CCDC171: variants seen among roughly 807,000 people sequenced by gnomAD.
The protein encoded by CCDC171 is coiled-coil domain-containing protein 171.
A neutral mutation model predicts 168.2 loss-of-function variants in CCDC171; 177 were observed. The observed-to-expected ratio is 1.05, with a 90% CI of 0.93 to 1.19. The LOEUF (loss-of-function observed/expected upper bound fraction) is 1.19. Among genes scored for constraint, CCDC171 ranks in the 50% most tolerant of loss-of-function variants. The pLI, the probability that CCDC171 is intolerant of heterozygous loss-of-function variation, is 0.00. For missense variants in CCDC171, 1,991 were observed against 1,539.0 expected, an observed-to-expected ratio of 1.29 and a Z score of -4.91; for synonymous variants, 687 against 540.8, an observed-to-expected ratio of 1.27 and a Z score of -3.75.
chr9:15,611,292 C>T (rs764065884), intron 6 of CCDC171, among the ~76,000 whole-genome samples: 1 of 152,154 alleles, frequency 6.6e-6, no homozygotes. Flanking sequence ...ATAAATTACC[C>T]ATTCTCACAT....
At position 15,799,135 on chromosome 9, in the gene CCDC171, CATATATATATATATATATATAT is replaced by C. The variant is rs57651824; in HGVS notation, c.3267+14451_3267+14472del. ...GAAAACAATTGTCTTTCATCATTGCCATATATATATATATATATATATATATATATACCATTTTGATGCACAC... is the reference window on the plus strand; with the variant it reads ...GAAAACAATTGTCTTTCATCATTGCCATATATATACCATTTTGATGCACAC... On this transcript the variant is annotated intron_variant, in intron 21 of 25. Transcript: ENST00000380701. Among the ~76,000 whole-genome samples the C allele has an allele frequency of 1.3e-3, 144 of 109,028 alleles. 2 individuals are homozygous for C. The highest frequency in any genetic ancestry group is 4.6e-3 in the African/African-American group (132 of 28,840). 71.5% of individuals were successfully genotyped at this position (109,028 alleles called of 152,430 possible). A position where few individuals can be genotyped will look rare whatever the true frequency, so the allele number is the denominator to read the frequency against.
intron 1 of CCDC171, among the ~76,000 whole-genome samples, chr9:15,560,907 G>C (rs1182899580): frequency 6.6e-6 from 1 of 152,120 alleles, no homozygotes; most frequent in Non-Finnish European, 1.5e-5. Context: ...ATACAGATGA[G>C]GTTTTCATGT....
chr9:15,921,553 G>C (rs1825328911), intron 25 of CCDC171, among the ~76,000 whole-genome samples: 1 of 151,620 alleles, frequency 6.6e-6, no homozygotes, highest in South Asian at 2.1e-4. Context: ...CTTCATTGCT[G>C]TTAAGACTTT....
intron 3 of CCDC171, among the ~76,000 whole-genome samples, chr9:15,987,990 G>A (rs1016406205): frequency 6.6e-6 from 1 of 152,250 alleles, no homozygotes; most frequent in Non-Finnish European, 1.5e-5. Flanking sequence ...ATCTGTGGTT[G>A]TTTGGTATAA....
downstream of CCDC171, among the ~76,000 whole-genome samples, chr9:16,065,809 G>GGTGTGCATGGT (rs373145926): frequency 3.3e-4 from 48 of 144,332 alleles, no homozygotes; most frequent in South Asian, 3.0e-3. Flanking sequence ...TTGTGTGCAT[G>GGTGTGCATGGT]GTGTGTGTGT....
At chr9:15,623,096 T>C (rs2044637373) in intron 6 of CCDC171, among the ~76,000 whole-genome samples, 171 bp from the exon 7 acceptor site, 1 of 152,196 alleles carries the variant, frequency 6.6e-6, no homozygotes, top group Non-Finnish European at 1.5e-5. Context: ...TTTAAACACA[T>C]GGACATTCTG....
Position 15,631,970 on chromosome 9 carries a change from A to G in CCDC171, c.822+8557A>G, listed in dbSNP as rs1444138102. Among the ~76,000 whole-genome samples the G allele has an allele frequency of 5.3e-5, 8 of 152,118 alleles. 1 individual carries two copies. Among genetic ancestry groups the G allele is most frequent in the Middle Eastern group, 3.4e-3 (1 of 294 alleles). ...AAAAGGCCTTTGACAAAATTCAACA[A>G]CCCTTCATGCTAAAAACTCTCAATA... On this transcript the variant is annotated intron_variant, in intron 7 of 25. Transcript: ENST00000380701.
chr9:15,954,606 G>A (rs374953573), intron 25 of CCDC171, among the ~76,000 whole-genome samples: 8 of 150,548 alleles, frequency 5.3e-5, no homozygotes, highest in Admixed American at 2.0e-4. Context: ...ACTTTTCTTC[G>A]ATCATTTTTC....
At chr9:15,946,454 A>C (rs1031512826) in intron 25 of CCDC171, among the ~76,000 whole-genome samples, 1 of 151,978 alleles carries the variant, frequency 6.6e-6, no homozygotes, top group Non-Finnish European at 1.5e-5. Context: ...CTAAGAATCC[A>C]CCTTACAAGG....
intron 21 of CCDC171, among the ~76,000 whole-genome samples, chr9:15,784,955 A>C (rs1033134330): frequency 1.6e-4 from 25 of 152,136 alleles, no homozygotes; most frequent in Non-Finnish European, 2.9e-5. Context: ...TATTAACAAT[A>C]AAATTAACAA....
At chr9:15,967,578 C>G (rs1830927257) in intron 25 of CCDC171, among the ~76,000 whole-genome samples, 1 of 152,144 alleles carries the variant, frequency 6.6e-6, no homozygotes, top group Admixed American at 6.5e-5. Context: ...TATATTCTGT[C>G]ACACGTGGAA....
At chr9:15,600,703 C>T (rs1277277713) in intron 6 of CCDC171, among the ~76,000 whole-genome samples, 1 of 152,178 alleles carries the variant, frequency 6.6e-6, no homozygotes, top group Non-Finnish European at 1.5e-5. Flanking sequence ...GTTTCTGCTG[C>T]CTTTTGTTTG....
In CCDC171 at chr9:15,753,600, A is replaced by G. The variant is rs184177553; in HGVS notation, c.2671+7969A>G. On this transcript the variant is annotated intron_variant, in intron 18 of 25. Transcript: ENST00000380701. ...CAATAATTAAGACCCTGATAAAGATATGCATAGGTAAGATTTATCAAGTAG... is the reference window on the plus strand; with the variant it reads ...CAATAATTAAGACCCTGATAAAGATGTGCATAGGTAAGATTTATCAAGTAG... Among the ~76,000 whole-genome samples the G allele has an allele frequency of 2.1e-3, 327 of 152,234 alleles. 4 individuals carry two copies. The highest frequency in any genetic ancestry group is 6.8e-3 in the Middle Eastern group (2 of 294).
chr9:15,752,469 C>A (rs917305564), intron 18 of CCDC171, among the ~76,000 whole-genome samples: 1 of 151,994 alleles, frequency 6.6e-6, no homozygotes, highest in Non-Finnish European at 1.5e-5. Context: ...TATTGCGGCA[C>A]CATAGCAAAG....
chr9:15,657,229 A>G lies in CCDC171; in HGVS notation c.915+10A>G, dbSNP rs2048005951. ...TTCTGAAATTATTCAGGTAAAATGT[A>G]AACAAATATTTTGGCCTGCATTTTC... On this transcript the variant is annotated intron_variant, in intron 8 of 25. Coordinates refer to ENST00000380701, the MANE Select transcript of CCDC171 (RefSeq NM_173550.4). 1 of 1,558,148 alleles carries G rather than the reference A, an allele frequency of 6.4e-7. No homozygotes were observed. Among genetic ancestry groups the G allele is most frequent in the Non-Finnish European group, 8.8e-7 (1 of 1,131,986 alleles).
At chr9:15,902,189 A>T (rs1821765937) in intron 24 of CCDC171, among the ~76,000 whole-genome samples, 1 of 151,632 alleles carries the variant, frequency 6.6e-6, no homozygotes, top group Non-Finnish European at 1.5e-5. Flanking sequence ...AGTTGTTTGG[A>T]AATATTTCCA....
chr9:15,713,190 A>G (rs1348597813), intron 11 of CCDC171, among the ~76,000 whole-genome samples: 1 of 152,228 alleles, frequency 6.6e-6, no homozygotes, highest in Non-Finnish European at 1.5e-5. Flanking sequence ...CGTTCTGCTT[A>G]CTGGAAGGAT....
intron 3 of CCDC171, among the ~76,000 whole-genome samples, chr9:15,979,840 G>C (rs954865485): frequency 1.1e-4 from 17 of 151,868 alleles, no homozygotes; most frequent in African/African-American, 4.1e-4. Flanking sequence ...TTTTTTTAAA[G>C]AGTTTGGGAA....
chr9:15,993,712 A>G (rs1832279214), intron 3 of CCDC171, among the ~76,000 whole-genome samples: 1 of 152,246 alleles, frequency 6.6e-6, no homozygotes, highest in South Asian at 2.1e-4. Flanking sequence ...AAGGGCTAAT[A>G]TCCAGAATCT....
Sources: allele counts gnomAD v4.1 joint callset (sites outside exome capture counted in the v4.1 genomes callset), GRCh38; gene constraint gnomAD v4.1.1; transcripts MANE v1.5; gene names NCBI Gene and HGNC (gene_info 2026-07-23, HGNC 2026-07-21).